The following PPARA variants were observed in gnomAD, a reference collection of about 807,000 sequenced individuals.
The protein encoded by PPARA is peroxisome proliferator activated receptor alpha, also known as peroxisome proliferator-activated receptor alpha.
Under a neutral mutation model 42.2 loss-of-function variants are expected in PPARA, and 22 were observed. The observed-to-expected ratio is 0.52, with a 90% CI of 0.37 to 0.74. The LOEUF is 0.74. Ranked by LOEUF, PPARA falls within the 30% of genes least tolerant of loss-of-function variation. The pLI is 0.00. For synonymous variants in PPARA, 242 were observed against 239.3 expected, an observed-to-expected ratio of 1.01 and a Z score of -0.10; for missense variants, 465 against 608.2, an observed-to-expected ratio of 0.76 and a Z score of 2.48.
Position 46,196,344 on chromosome 22 carries a change from C to T in PPARA, c.-42-1998C>T, listed in dbSNP as rs932771565. On this transcript the variant is annotated intron_variant, in intron 3 of 8. Transcript: ENST00000407236. This position sits in a 1 kb window ranked among gnomAD's most constrained non-coding sequence, Gnocchi z 5.6. ...GTATTCTTGACCATACAATCATGGT[C>T]GAGGACCCCCTACATGAGCTGCCTT... 2.0e-5 allele frequency among the ~76,000 whole-genome samples: 3 copies of T among 152,222 alleles called. No individual in the cohort carries two copies. Among genetic ancestry groups the T allele is most frequent in the African/African-American group, 7.2e-5 (3 of 41,460 alleles).
In PPARA at chr22:46,196,724, G is replaced by A. The variant is rs571954545; in HGVS notation, c.-42-1618G>A. On this transcript the variant is annotated intron_variant, in intron 3 of 8. Transcript: ENST00000407236. The surrounding 1 kb of genome is among the most constrained non-coding windows in gnomAD (Gnocchi z 5.6). ...AGCAGGGATCTGATTTTTGTTAGTT[G>A]TTGTTGTTGCTGTTTTGAGGTGGAG... Among the ~76,000 whole-genome samples the A allele has an allele frequency of 6.6e-6, 1 of 152,122 alleles. No individual in the cohort carries two copies. Among genetic ancestry groups the A allele is most frequent in the South Asian group, 2.1e-4 (1 of 4,828 alleles).
chr22:46,177,015 C>T (rs1042503810), intron 3 of PPARA, among the ~76,000 whole-genome samples, 179 bp downstream of exon 3: 12 of 152,186 alleles, frequency 7.9e-5, no homozygotes, highest in Non-Finnish European at 1.8e-4. Flanking sequence ...TTGAGACCAT[C>T]CTGGCTAACA....
In PPARA at chr22:46,182,313, C is replaced by T. The variant is rs1355224288; in HGVS notation, c.-43+5477C>T. Reference sequence around the variant, plus strand: ...TCAGACTTGGAAACCATTCAGATGCCATTAATAGGTGAATATATTCTCAAA... The same window carrying T: ...TCAGACTTGGAAACCATTCAGATGCTATTAATAGGTGAATATATTCTCAAA... On this transcript the variant is annotated intron_variant, in intron 3 of 8. Transcript: ENST00000407236. This position sits in a 1 kb window ranked among gnomAD's most constrained non-coding sequence, Gnocchi z 5.2. Among the ~76,000 whole-genome samples, 1 of 152,138 alleles carries T rather than the reference C, an allele frequency of 6.6e-6. No homozygotes were observed. The highest frequency in any genetic ancestry group is 1.9e-4 in the East Asian group (1 of 5,204).
intron 4 of PPARA, among the ~76,000 whole-genome samples, chr22:46,199,314 T>C (rs893579856): frequency 6.6e-6 from 1 of 152,024 alleles, no homozygotes; most frequent in African/African-American, 2.4e-5. Flanking sequence ...ATTTATACAG[T>C]GGTATATACT....
rs1041664673 is a variant in PPARA, at chr22:46,200,515, A to G, written c.208+1924A>G. 2.0e-5 allele frequency among the ~76,000 whole-genome samples: 3 copies of G among 152,278 alleles called. No homozygotes were observed. Among genetic ancestry groups the G allele is most frequent in the African/African-American group, 4.8e-5 (2 of 41,486 alleles). On this transcript the variant is annotated intron_variant, in intron 4 of 8. Coordinates refer to ENST00000407236, the MANE Select transcript of PPARA (RefSeq NM_005036.6). The surrounding 1 kb of genome is among the most constrained non-coding windows in gnomAD (Gnocchi z 4.8). ...GTAGAAAAGGTTACAGCAAAAATAC[A>G]GTATTATCATCTTATGGGACCATGA...
chr22:46,186,800 T>C (rs1030496551), intron 3 of PPARA, among the ~76,000 whole-genome samples: 1 of 151,818 alleles, frequency 6.6e-6, no homozygotes, highest in Non-Finnish European at 1.5e-5. Flanking sequence ...GAGGATACAC[T>C]CCAAGCCCCC....
At chr22:46,194,790 T>C (rs759885860) in intron 3 of PPARA, among the ~76,000 whole-genome samples, 1 of 151,500 alleles carries the variant, frequency 6.6e-6, no homozygotes, top group Non-Finnish European at 1.5e-5. Flanking sequence ...GCCAGGCTGG[T>C]TTTGAACTCC....
chr22:46,207,563 A>T (rs970184388), intron 4 of PPARA, among the ~76,000 whole-genome samples: 2 of 149,982 alleles, frequency 1.3e-5, no homozygotes, highest in African/African-American at 4.9e-5. Context: ...GATTACAGGC[A>T]TGAGCCACCG....
chr22:46,177,026 C>G (rs751790492), intron 3 of PPARA, among the ~76,000 whole-genome samples, 190 bp downstream of exon 3: 3 of 152,150 alleles, frequency 2.0e-5, no homozygotes, highest in Admixed American at 6.5e-5. Flanking sequence ...CTGGCTAACA[C>G]AGTGAAACCC....
At position 46,156,898 on chromosome 22, in the gene PPARA, G is replaced by A. The variant is rs959024340; in HGVS notation, c.-127+4928G>A. 1.2e-4 allele frequency among the ~76,000 whole-genome samples: 19 copies of A among 152,128 alleles called. No individual in the cohort carries two copies. Among genetic ancestry groups the A allele is most frequent in the African/African-American group, 3.9e-4 (16 of 41,432 alleles). ...ATTACAGGCGTGAGCCACCACACCC[G>A]GCCTCCTGTGTGTTTTGAAGGTGAT... On this transcript the variant is annotated intron_variant, in intron 2 of 8. Transcript: ENST00000407236. This position sits in a 1 kb window ranked among gnomAD's most constrained non-coding sequence, Gnocchi z 5.2.
At position 46,167,592 on chromosome 22, in the gene PPARA, T is replaced by A. The variant is rs1424106230; in HGVS notation, c.-126-9161T>A. On this transcript the variant is annotated intron_variant, in intron 2 of 8. Coordinates refer to ENST00000407236, the MANE Select transcript of PPARA (RefSeq NM_005036.6). The surrounding 1 kb of genome is among the most constrained non-coding windows in gnomAD (Gnocchi z 4.1). ...CACCTGAGCCCAGAGAGGTCAAGGT[T>A]GCAGTGAGCCATGATTGCACCACTG... Among the ~76,000 whole-genome samples the A allele has an allele frequency of 6.6e-6, 1 of 152,112 alleles. No individual in the cohort carries two copies. Among genetic ancestry groups the A allele is most frequent in the East Asian group, 1.9e-4 (1 of 5,186 alleles).
rs996863467 is a variant in PPARA, at chr22:46,153,163, CT to C, written c.-127+1216del. On this transcript the variant is annotated intron_variant, in intron 2 of 8. Transcript: ENST00000407236. ...TGTTTTTTCTTTCTTTTCCCACATC[CT>C]TTTTTTTTTTTTTTTTTTTTTTGTG... is the stretch of plus-strand genomic sequence containing the variant. Among the ~76,000 whole-genome samples, 323 of 109,212 alleles carry C rather than the reference CT, an allele frequency of 3.0e-3. 1 individual carries two copies. Among genetic ancestry groups the C allele is most frequent in the East Asian group, 7.2e-3 (27 of 3,772 alleles). The allele number at this position is 109,212 out of a possible 152,430, so 71.6% of individuals were successfully genotyped here.
At chr22:46,186,551 C>A (rs1030529148) in intron 3 of PPARA, among the ~76,000 whole-genome samples, 1 of 152,106 alleles carries the variant, frequency 6.6e-6, no homozygotes, top group African/African-American at 2.4e-5. Flanking sequence ...ACATCTCGAA[C>A]CACCTGGCCA....
At chr22:46,217,024 C>T (rs939006079) in intron 5 of PPARA, among the ~76,000 whole-genome samples, 2 of 152,196 alleles carry the variant, frequency 1.3e-5, no homozygotes, top group Non-Finnish European at 2.9e-5. Flanking sequence ...GGAACACCAG[C>T]ATTCTGCCCT....
At position 46,184,607 on chromosome 22, in the gene PPARA, A is replaced by G. The variant is rs2147280276; in HGVS notation, c.-43+7771A>G. On this transcript the variant is annotated intron_variant, in intron 3 of 8. Transcript: ENST00000407236. The surrounding 1 kb of genome is among the most constrained non-coding windows in gnomAD (Gnocchi z 4.4). The stretch of plus-strand genomic sequence containing the variant: ...GCCAGGCACAGTGGCTCACACCTGT[A>G]ATCCCAGCAATTTGGGAGGCCGAGA... Among the ~76,000 whole-genome samples the G allele has an allele frequency of 6.6e-6, 1 of 152,336 alleles. No homozygotes were observed. Among genetic ancestry groups the G allele is most frequent in the African/African-American group, 2.4e-5 (1 of 41,558 alleles).
chr22:46,176,509 C>G (rs1929084643), intron 2 of PPARA, among the ~76,000 whole-genome samples: 1 of 152,054 alleles, frequency 6.6e-6, no homozygotes, highest in Admixed American at 6.6e-5. Context: ...TATTGTTTTT[C>G]TGTTATTATA....
At position 46,184,543 on chromosome 22, in the gene PPARA, C is replaced by G. The variant is rs1212283081; in HGVS notation, c.-43+7707C>G. On this transcript the variant is annotated intron_variant, in intron 3 of 8. Coordinates refer to ENST00000407236, the MANE Select transcript of PPARA (RefSeq NM_005036.6). The surrounding 1 kb of genome is among the most constrained non-coding windows in gnomAD (Gnocchi z 4.4). ...GGTTTCCAACTGTTATCTTTCACTT[C>G]CCATGTTGCTGTTGGAAAATCCAAA... Among the ~76,000 whole-genome samples, 1 of 152,170 alleles carries G rather than the reference C, an allele frequency of 6.6e-6. No individual in the cohort carries two copies. The highest frequency in any genetic ancestry group is 1.5e-5 in the Non-Finnish European group (1 of 68,034).
In PPARA at chr22:46,192,615, A is replaced by G. The variant is rs1931714147; in HGVS notation, c.-42-5727A>G. On this transcript the variant is annotated intron_variant, in intron 3 of 8. Transcript: ENST00000407236. The surrounding 1 kb of genome is among the most constrained non-coding windows in gnomAD (Gnocchi z 4.3). ...TGAATCTCAGTAGTTTGAGCTTATG[A>G]TATACAAGATGCAGCTCTAACATTT... 6.6e-6 allele frequency among the ~76,000 whole-genome samples: 1 copy of G among 152,234 alleles called. No individual in the cohort carries two copies. The highest frequency in any genetic ancestry group is 1.5e-5 in the Non-Finnish European group (1 of 68,038).
In PPARA at chr22:46,212,592, G is replaced by A. The variant is rs1419865059; in HGVS notation, c.209-2581G>A. ...AGTCATCCATGTCTTTCCATGGCTTGATATCTCATTTCTTTTTACACTGAA... is the reference window on the plus strand; with the variant it reads ...AGTCATCCATGTCTTTCCATGGCTTAATATCTCATTTCTTTTTACACTGAA... On this transcript the variant is annotated intron_variant, in intron 4 of 8. Transcript: ENST00000407236. This position sits in a 1 kb window ranked among gnomAD's most constrained non-coding sequence, Gnocchi z 4.2. Among the ~76,000 whole-genome samples the A allele has an allele frequency of 6.6e-6, 1 of 152,184 alleles. No individual in the cohort carries two copies. Among genetic ancestry groups the A allele is most frequent in the Non-Finnish European group, 1.5e-5 (1 of 68,038 alleles).
Sources: gnomAD v4.1 joint callset for allele counts (sites outside exome capture counted in the v4.1 genomes callset) on GRCh38, gnomAD v4.1.1 for gene constraint, Gnocchi (gnomAD v3.1) non-coding constraint, MANE v1.5 for transcripts, NCBI Gene and HGNC (gene_info 2026-07-23, HGNC 2026-07-21) for gene names.